Variants in ZFAND3 observed in about 807,000 individuals in gnomAD.
ZFAND3 encodes zinc finger AN1-type containing 3.
ZFAND3 carries 10 observed loss-of-function variants against 29.6 expected under a neutral mutation model. The ratio of observed to expected loss-of-function variants is 0.34; its 90% CI spans 0.21 to 0.57. ZFAND3 has a LOEUF of 0.57. Ranked by LOEUF, ZFAND3 falls within the 20% of genes least tolerant of loss-of-function variation. ZFAND3 has a pLI of 0.86. For missense variants in ZFAND3, 230 were observed against 304.5 expected, an observed-to-expected ratio of 0.76 and a Z score of 1.82; for synonymous variants, 128 against 112.6, an observed-to-expected ratio of 1.14 and a Z score of -0.87.
At chr6:37,954,129 T>C (rs1762045913) in intron 2 of ZFAND3, among the ~76,000 whole-genome samples, 1 of 152,294 alleles carries the variant, frequency 6.6e-6, no homozygotes, top group South Asian at 2.1e-4. Flanking sequence ...ATCCTTTTTT[T>C]CTCTGGGTGC....
At chr6:37,942,287 AAAG>A (rs72260071) in intron 2 of ZFAND3, among the ~76,000 whole-genome samples, 48,283 of 151,642 alleles carry the variant, frequency 0.32, 8,088 homozygotes, top group Non-Finnish European at 0.38. Context: ...TTTTCTTTGA[AAAG>A]AAGGGTAAAG....
At chr6:37,829,767 G>T (rs116425479) in intron 1 of ZFAND3, among the ~76,000 whole-genome samples, 7 of 152,142 alleles carry the variant, frequency 4.6e-5, no homozygotes, top group Non-Finnish European at 1.0e-4. Context: ...GCTTAAAACC[G>T]TGCATTTTAT....
chr6:37,931,335 G>A (rs1761590692), intron 2 of ZFAND3, among the ~76,000 whole-genome samples: 1 of 152,152 alleles, frequency 6.6e-6, no homozygotes, highest in Admixed American at 6.5e-5. Flanking sequence ...GACAATTTGA[G>A]AGAGGCTAGG....
chr6:37,918,971 T>TTTTTTTTTTTG (rs1761321038), intron 1 of ZFAND3, among the ~76,000 whole-genome samples: 1 of 111,956 alleles, frequency 8.9e-6, no homozygotes, highest in Admixed American at 9.0e-5. Flanking sequence ...TTTTTTTTTT[T>TTTTTTTTTTTG]GAGACGGAGT....
At chr6:37,863,320 A>G (rs1764527836) in intron 1 of ZFAND3, among the ~76,000 whole-genome samples, 2 of 152,254 alleles carry the variant, frequency 1.3e-5, no homozygotes, top group Admixed American at 6.5e-5. Flanking sequence ...ATACAAAACT[A>G]GTAAATTGCC....
At chr6:37,835,067 A>C (rs539050654) in intron 1 of ZFAND3, among the ~76,000 whole-genome samples, 1 of 152,116 alleles carries the variant, frequency 6.6e-6, no homozygotes, top group African/African-American at 2.4e-5. Context: ...TTCATTGGCC[A>C]TTTGGCTAAA....
chr6:37,831,387 A>G (rs1326423951), intron 1 of ZFAND3, among the ~76,000 whole-genome samples: 2 of 152,194 alleles, frequency 1.3e-5, no homozygotes, highest in Non-Finnish European at 2.9e-5. Flanking sequence ...CCCTTTGGCC[A>G]TTTTCCAGAG....
At chr6:38,085,812 A>T (rs1236275913) in intron 4 of ZFAND3, among the ~76,000 whole-genome samples, 1 of 152,204 alleles carries the variant, frequency 6.6e-6, no homozygotes, top group African/African-American at 2.4e-5. Context: ...CCAGTTAGAT[A>T]GGACTATGCA....
chr6:38,069,436 A>G (rs145452831), intron 3 of ZFAND3, among the ~76,000 whole-genome samples: 257 of 152,314 alleles, frequency 1.7e-3, no homozygotes, highest in Non-Finnish European at 2.8e-3. Flanking sequence ...TTTCCGATAT[A>G]TAATAGTCTC....
chr6:37,894,007 C>T lies in ZFAND3; in HGVS notation c.72-35952C>T, dbSNP rs778264540. On this transcript the variant is annotated intron_variant, in intron 1 of 5. Transcript: ENST00000287218. ...CCGTGGCTGACACCTGTAATCCCAG[C>T]ACTTTGGGAGGCCGAGGTGAGTGGA... Among the ~76,000 whole-genome samples the T allele has an allele frequency of 1.5e-4, 23 of 152,070 alleles. 1 individual carries two copies. The highest frequency in any genetic ancestry group is 1.5e-4 in the Non-Finnish European group (10 of 68,018).
At chr6:37,917,037 G>A (rs973002131) in intron 1 of ZFAND3, among the ~76,000 whole-genome samples, 1 of 152,204 alleles carries the variant, frequency 6.6e-6, no homozygotes, top group Non-Finnish European at 1.5e-5. Flanking sequence ...CACAAACATA[G>A]TGATGCTGAC....
At chr6:37,879,887 A>G (rs1179299880) in intron 1 of ZFAND3, among the ~76,000 whole-genome samples, 1 of 152,230 alleles carries the variant, frequency 6.6e-6, no homozygotes, top group Non-Finnish European at 1.5e-5. Context: ...GGGCTGCGTT[A>G]TAGACTCTGC....
intron 1 of ZFAND3, among the ~76,000 whole-genome samples, chr6:37,842,199 C>T (rs1007473021): frequency 6.1e-4 from 93 of 152,258 alleles, no homozygotes; most frequent in African/African-American, 2.2e-3. Context: ...GGGGAGGACA[C>T]CGACATTGAG....
At chr6:38,009,092 C>T (rs1350054970) in intron 2 of ZFAND3, among the ~76,000 whole-genome samples, 1 of 152,010 alleles carries the variant, frequency 6.6e-6, no homozygotes, top group Non-Finnish European at 1.5e-5. Context: ...GGAGGAAAAC[C>T]GAATGGAAGA....
chr6:38,093,860 A>AT (rs1311693823), intron 4 of ZFAND3, among the ~76,000 whole-genome samples: 3 of 152,154 alleles, frequency 2.0e-5, no homozygotes, highest in Non-Finnish European at 4.4e-5. Context: ...AGGGTCGGGC[A>AT]TTTTTTGGTG....
At chr6:37,859,390 T>A (rs1011117734) in intron 1 of ZFAND3, among the ~76,000 whole-genome samples, 2 of 152,202 alleles carry the variant, frequency 1.3e-5, no homozygotes, top group Non-Finnish European at 1.5e-5. Context: ...CTGTAATATC[T>A]TCTGTTGCTG....
chr6:37,944,834 G>T (rs1265971223), intron 2 of ZFAND3, among the ~76,000 whole-genome samples: 1 of 152,196 alleles, frequency 6.6e-6, no homozygotes, highest in East Asian at 1.9e-4. Flanking sequence ...TCAAGGATGA[G>T]TTGGAAAATA....
At chr6:38,027,648 A>G (rs1257367710) in intron 2 of ZFAND3, among the ~76,000 whole-genome samples, 1 of 152,218 alleles carries the variant, frequency 6.6e-6, no homozygotes, top group Non-Finnish European at 1.5e-5. Flanking sequence ...AAAATTTTGA[A>G]GAAAAACTGT....
At chr6:38,037,011 T>C (rs1363103102) in intron 2 of ZFAND3, among the ~76,000 whole-genome samples, 1 of 152,248 alleles carries the variant, frequency 6.6e-6, no homozygotes, top group Non-Finnish European at 1.5e-5. Flanking sequence ...CATTTAGTTC[T>C]GCTTATTTTA....
Sources: gnomAD v4.1 joint callset for allele counts (sites outside exome capture counted in the v4.1 genomes callset) on GRCh38, gnomAD v4.1.1 for gene constraint, MANE v1.5 for transcripts, NCBI Gene and HGNC (gene_info 2026-07-23, HGNC 2026-07-21) for gene names.